TBC1D10B: variants seen among roughly 807,000 people sequenced by gnomAD.
TBC1D10B encodes TBC1 domain family member 10B.
TBC1D10B carries 25 observed loss-of-function variants against 78.4 expected under a neutral mutation model. The ratio of observed to expected loss-of-function variants is 0.32; its 90% CI spans 0.23 to 0.45. The LOEUF (loss-of-function observed/expected upper bound fraction) is 0.45, where lower values mean the gene tolerates loss of function less well. Ranked by LOEUF, TBC1D10B falls within the 20% of genes least tolerant of loss-of-function variation. The pLI, the probability that TBC1D10B is intolerant of heterozygous loss-of-function variation, is 1.00. For synonymous variants in TBC1D10B, 517 were observed against 478.0 expected, an observed-to-expected ratio of 1.08 and a Z score of -1.06; for missense variants, 996 against 1,104.8, an observed-to-expected ratio of 0.90 and a Z score of 1.40.
At chr16:30,364,485 G>A (rs944223286) in intron 4 of TBC1D10B, among the ~76,000 whole-genome samples, 1 of 152,138 alleles carries the variant, frequency 6.6e-6, no homozygotes, top group Non-Finnish European at 1.5e-5. Flanking sequence ...TCCCTAAGAT[G>A]ATCATCTTGC....
At chr16:30,366,608 G>A (rs2049638751) in intron 1 of TBC1D10B, 1 of 152,076 alleles carries the variant, frequency 6.6e-6, no homozygotes, top group South Asian at 2.1e-4. Flanking sequence ...AAGATCCCTT[G>A]GGTCACCTGC....
chr16:30,367,221 A>C (rs924510604), intron 1 of TBC1D10B: 1 of 152,096 alleles, frequency 6.6e-6, no homozygotes, highest in African/African-American at 2.4e-5. Flanking sequence ...AAAACAAAAC[A>C]AAAAAAACAC....
Position 30,358,331 on chromosome 16 carries a change from C to G in TBC1D10B, c.2040G>C (p.Pro680=), listed in dbSNP as rs753189602. Residue 680 remains proline, a synonymous_variant, in exon 9 of 9, where the codon CCG becomes CCC. Coordinates refer to ENST00000409939, the MANE Select transcript of TBC1D10B (RefSeq NM_015527.4). ...SRAAGGAPSP[P]PPVRRASAGP... is the part of the protein sequence containing the mutation. ...CAGCACTGGCTCTGCGGACGGGGGG[C>G]GGCGGGGACGGGGCCCCTCCAGCTG... 6 of 1,562,876 alleles carry G rather than the reference C, an allele frequency of 3.8e-6. No homozygotes were observed. Among genetic ancestry groups the G allele is most frequent in the Non-Finnish European group, 5.2e-6 (6 of 1,153,570 alleles).
Position 30,357,110 on chromosome 16 carries a change from A to G in TBC1D10B, c.*834T>C, listed in dbSNP as rs2049556604. 6.5e-6 allele frequency: 1 copy of G among 152,930 alleles called. No homozygotes were observed. The highest frequency in any genetic ancestry group is 2.4e-5 in the African/African-American group (1 of 41,444). 9.5% of individuals were successfully genotyped at this position (152,930 alleles called of 1,614,324 possible). ...CAAGGCAGAAAACAGGCCCAGGTAC[A>G]ACAGCAGGTTCTTTTCCAATTCCTC... On this transcript the variant is annotated 3_prime_UTR_variant, in exon 9 of 9. Transcript: ENST00000409939.
chr16:30,370,135 C>G lies in TBC1D10B; in HGVS notation c.49G>C (p.Ala17Pro), dbSNP rs888549013. ...PLVAPPRRHGAPAAPSPPPRG... is the reference protein window; with the variant it reads ...PLVAPPRRHGPPAAPSPPPRG... ...GGCGGCGGCGAGGGGGCCGCGGGGG[C>G]GCCATGACGGCGCGGCGGGGCCACC... The change falls in exon 1 of 9, where the codon GCC (alanine) becomes CCC (proline). Residue 17 changes from alanine (A) to proline (P), a missense_variant. This residue lies in a region of TBC1D10B where 448 missense variants were observed against 442.1 expected (regional missense o/e 1.01). Transcript: ENST00000409939. The G allele has an allele frequency of 7.0e-4, 840 of 1,205,164 alleles. 2 individuals carry two copies. The highest frequency in any genetic ancestry group is 5.0e-3 in the East Asian group (147 of 29,296). 74.7% of individuals were successfully genotyped at this position (1,205,164 alleles called of 1,614,324 possible).
In TBC1D10B at chr16:30,365,681, A is replaced by G; in HGVS notation, c.957-87T>C. 2 of 1,263,220 alleles carry G rather than the reference A, an allele frequency of 1.6e-6. No individual in the cohort carries two copies. Among genetic ancestry groups the G allele is most frequent in the Non-Finnish European group, 2.3e-6 (2 of 874,006 alleles). 78.3% of individuals were successfully genotyped at this position (1,263,220 alleles called of 1,614,324 possible). ...GGGAACTGAGGCAAGCCACCTCCCCAAGCTCAAACGAGAAACTGGATAGTC... is the reference window on the plus strand; with the variant it reads ...GGGAACTGAGGCAAGCCACCTCCCCGAGCTCAAACGAGAAACTGGATAGTC... On this transcript the variant is annotated intron_variant, in intron 1 of 8. Coordinates refer to ENST00000409939, the MANE Select transcript of TBC1D10B (RefSeq NM_015527.4). This position sits in a 1 kb window ranked among gnomAD's most constrained non-coding sequence, Gnocchi z 5.0.
In TBC1D10B at chr16:30,358,046, T is replaced by C; in HGVS notation, c.2325A>G (p.Gln775=). The change falls in exon 9 of 9, where the codon CAA becomes CAG. Residue 775 remains glutamine, a synonymous_variant. Coordinates refer to ENST00000409939, the MANE Select transcript of TBC1D10B (RefSeq NM_015527.4). ...KERQKQEKKA[Q]GRKLSLRRKA... is the part of the protein sequence containing the mutation. ...TTCGACGCAGCGAAAGCTTCCGGCC[T>C]TGAGCCTTCTTCTCCTGCTTCTGCC... The C allele has an allele frequency of 6.4e-7, 1 of 1,551,854 alleles. No homozygotes were observed. Among genetic ancestry groups the C allele is most frequent in the Non-Finnish European group, 8.7e-7 (1 of 1,146,972 alleles).
intron 4 of TBC1D10B, among the ~76,000 whole-genome samples, chr16:30,363,189 A>G (rs1464741945): frequency 1.3e-5 from 2 of 152,124 alleles, no homozygotes; most frequent in African/African-American, 2.4e-5. Context: ...CTCACACTGC[A>G]TGTCTAATCC....
rs1471354936 is a variant in TBC1D10B, at chr16:30,357,954, G to C, written c.2417C>G (p.Ala806Gly). ...DRPSAEARQD[A>G]YF ...GCCCCAGGGCAGAGGTCAGAAGTAAGCGTCCTGCCGGGCCTCGGCTGAGGG... is the reference window on the plus strand; with the variant it reads ...GCCCCAGGGCAGAGGTCAGAAGTAACCGTCCTGCCGGGCCTCGGCTGAGGG... The change falls in exon 9 of 9, where the codon GCT (alanine) becomes GGT (glycine). Residue 806 changes from alanine to glycine, a missense_variant. Ala to Gly is a moderately conservative substitution (Grantham distance 60). This residue lies in a region of TBC1D10B where 285 missense variants were observed against 252.5 expected (regional missense o/e 1.13). Transcript: ENST00000409939. 6.4e-7 allele frequency: 1 copy of C among 1,550,712 alleles called. No individual in the cohort carries two copies. The highest frequency in any genetic ancestry group is 2.0e-5 in the Admixed American group (1 of 50,948).
intron 7 of TBC1D10B, 149 bp downstream of exon 7, chr16:30,359,023 A>G (rs2049580830): frequency 3.2e-6 from 4 of 1,239,792 alleles, no homozygotes; most frequent in South Asian, 1.6e-5. Flanking sequence ...AACTAAAATC[A>G]GGCCTGTTTC....
In TBC1D10B at chr16:30,369,235, C is replaced by T. The variant is rs200549383; in HGVS notation, c.949G>A (p.Gly317Ser). 3.2e-6 allele frequency: 5 copies of T among 1,579,646 alleles called. No individual in the cohort carries two copies. Among genetic ancestry groups the T allele is most frequent in the African/African-American group, 1.3e-5 (1 of 74,238 alleles). ...YGFLGGSQYS[G>S]SLESSIPVDV... ...GTGCCCACTGGTACTCACAGGCTGC[C>T]CGAGTACTGGCTGCCCCCAAGGAAG... The change falls in exon 1 of 9, where the codon GGC (glycine) becomes AGC (serine). Residue 317 changes from glycine to serine, a missense_variant. Physicochemically the swap from Gly to Ser is moderately conservative, Grantham distance 56. This residue lies in a region of TBC1D10B where 448 missense variants were observed against 442.1 expected (regional missense o/e 1.01). Transcript: ENST00000409939. The surrounding 1 kb of genome is among the most constrained non-coding windows in gnomAD (Gnocchi z 4.3).
Position 30,365,635 on chromosome 16 carries a change from G to A in TBC1D10B, c.957-41C>T, listed in dbSNP as rs781569648. 35 of 1,587,158 alleles carry A rather than the reference G, an allele frequency of 2.2e-5. No homozygotes were observed. Among genetic ancestry groups the A allele is most frequent in the Non-Finnish European group, 2.7e-5 (31 of 1,157,622 alleles). On this transcript the variant is annotated intron_variant, in intron 1 of 8. Coordinates refer to ENST00000409939, the MANE Select transcript of TBC1D10B (RefSeq NM_015527.4). This position sits in a 1 kb window ranked among gnomAD's most constrained non-coding sequence, Gnocchi z 5.0. ...AGCACGGAAGGGGTCAGTAGCAATA[G>A]TGTAAAACCTGCATTGCAGGGGGAA...
chr16:30,364,639 T>C (rs1391376961), intron 4 of TBC1D10B, among the ~76,000 whole-genome samples: 2 of 152,074 alleles, frequency 1.3e-5, no homozygotes, highest in East Asian at 1.9e-4. Flanking sequence ...CCCACTGCTG[T>C]AGCTCCCACC....
chr16:30,370,140 T>G lies in TBC1D10B; in HGVS notation c.44A>C (p.His15Pro). The change falls in exon 1 of 9, where the codon CAT becomes CCT. Residue 15 changes from histidine (H) to proline (P), a missense_variant. His to Pro is a moderately conservative substitution (Grantham distance 77). Transcript: ENST00000409939. ...CGGCGAGGGGGCCGCGGGGGCGCCA[T>G]GACGGCGCGGCGGGGCCACCAGGGG... is the stretch of plus-strand genomic sequence containing the variant. The part of the protein sequence containing the change: ...TAPLVAPPRR[H>P]GAPAAPSPPP... 1 of 1,200,452 alleles carries G rather than the reference T, an allele frequency of 8.3e-7. No individual in the cohort carries two copies. Among genetic ancestry groups the G allele is most frequent in the Non-Finnish European group, 1.0e-6 (1 of 967,932 alleles). The allele number at this position is 1,200,452 out of a possible 1,614,324, so 74.4% of individuals were successfully genotyped here. A position where few individuals can be genotyped will look rare whatever the true frequency, so the allele number is the denominator to read the frequency against.
chr16:30,369,482 G>A lies in TBC1D10B; in HGVS notation c.702C>T (p.Thr234=). The change falls in exon 1 of 9, where the codon ACC becomes ACT. Residue 234 remains threonine (T), a synonymous_variant. Coordinates refer to ENST00000409939, the MANE Select transcript of TBC1D10B (RefSeq NM_015527.4). The surrounding 1 kb of genome is among the most constrained non-coding windows in gnomAD (Gnocchi z 4.3). ...AGTTTTCAGCAGGCTCCGGAGCTGG[G>A]GTCACGGTCACGACAGCTACCGGAG... ...CEAPVAVVTV[T]PAPEPAENSQ... 6 of 1,551,350 alleles carry A rather than the reference G, an allele frequency of 3.9e-6. No homozygotes were observed. The highest frequency in any genetic ancestry group is 2.0e-5 in the Admixed American group (1 of 51,014).
At chr16:30,368,351 T>C (rs2049652770) in intron 1 of TBC1D10B, among the ~76,000 whole-genome samples, 1 of 152,212 alleles carries the variant, frequency 6.6e-6, no homozygotes, top group Non-Finnish European at 1.5e-5. Flanking sequence ...AGGTCTTCTA[T>C]TGAAACCAAC....
Position 30,365,089 on chromosome 16 carries a change from T to G in TBC1D10B, c.1164+16A>C. 6.2e-7 allele frequency: 1 copy of G among 1,613,708 alleles called. No individual in the cohort carries two copies. Among genetic ancestry groups the G allele is most frequent in the Non-Finnish European group, 8.5e-7 (1 of 1,179,630 alleles). On this transcript the variant is annotated intron_variant, in intron 3 of 8. Transcript: ENST00000409939. The surrounding 1 kb of genome is among the most constrained non-coding windows in gnomAD (Gnocchi z 5.0). ...AGACAGGGCCACATGTCCCCACACC[T>G]TGGAGCTGCACGCACCTCAAACTTT... is the stretch of plus-strand genomic sequence containing the variant.
chr16:30,369,388 T>C lies in TBC1D10B; in HGVS notation c.796A>G (p.Thr266Ala). Residue 266 changes from threonine (T) to alanine (A), a missense_variant, in exon 1 of 9, where the codon ACG becomes GCG. Around this residue, in one of 5 missense-constraint regions of TBC1D10B, gnomAD observed 448 missense variants for 442.1 expected, o/e 1.01. Transcript: ENST00000409939. The surrounding 1 kb of genome is among the most constrained non-coding windows in gnomAD (Gnocchi z 4.3). ...CTCACGGAGTCCAAGTAACTCAGCG[T>C]GTCCGGGGCCTGCCCTCGAGGCCCA... ...ISGPRGQAPD[T>A]LSYLDSVSLM... The C allele has an allele frequency of 6.3e-7, 1 of 1,590,130 alleles. No individual in the cohort carries two copies. Among genetic ancestry groups the C allele is most frequent in the Non-Finnish European group, 8.6e-7 (1 of 1,168,420 alleles).
intron 1 of TBC1D10B, chr16:30,367,899 A>G (rs1389503670): frequency 6.6e-6 from 1 of 152,238 alleles, no homozygotes; most frequent in Non-Finnish European, 1.5e-5. Flanking sequence ...AAGCAAAGAA[A>G]CAGCACCCGG....
Sources: gnomAD v4.1 joint callset for allele counts (sites outside exome capture counted in the v4.1 genomes callset) on GRCh38, gnomAD v4.1.1 for gene constraint, gnomAD v4.1.1 regional missense constraint, Gnocchi (gnomAD v3.1) non-coding constraint, MANE v1.5 for transcripts, NCBI Gene and HGNC (gene_info 2026-07-23, HGNC 2026-07-21) for gene names.